The following PAX3 variants were observed in gnomAD, a reference collection of about 807,000 sequenced individuals.
The protein encoded by PAX3 is paired box protein Pax-3.
Under a neutral mutation model 51.6 loss-of-function variants are expected in PAX3, and 14 were observed. The ratio of observed to expected loss-of-function variants is 0.27; its 90% CI spans 0.18 to 0.42. The LOEUF is 0.42. Ranked by LOEUF, PAX3 falls within the 10% of genes least tolerant of loss-of-function variation. PAX3 has a pLI of 1.00. For synonymous variants in PAX3, 280 were observed against 253.4 expected, an observed-to-expected ratio of 1.11 and a Z score of -1.00; for missense variants, 540 against 642.8, an observed-to-expected ratio of 0.84 and a Z score of 1.73.
In PAX3 at chr2:222,298,631, G is replaced by C; in HGVS notation, c.-16C>G. The C allele has an allele frequency of 6.3e-7, 1 of 1,595,836 alleles. No homozygotes were observed. The highest frequency in any genetic ancestry group is 8.5e-7 in the Non-Finnish European group (1 of 1,171,346). On this transcript the variant is annotated 5_prime_UTR_variant, in exon 1 of 9. Coordinates refer to ENST00000392070, the MANE Select transcript of PAX3 (RefSeq NM_181458.4). Reference sequence around the variant, plus strand: ...GCGTGGTCATCCTGGGGGCAGCTTCGCTCGGAAATTATATCCAGGTGAAGG... The same window carrying C: ...GCGTGGTCATCCTGGGGGCAGCTTCCCTCGGAAATTATATCCAGGTGAAGG...
At chr2:222,220,059 T>C (rs1692124020) in intron 7 of PAX3, 81 bp downstream of exon 7, 4 of 1,248,562 alleles carry the variant, frequency 3.2e-6, no homozygotes, top group East Asian at 2.4e-5. Context: ...AATTTGGCAA[T>C]TCATTACACT....
intron 4 of PAX3, among the ~76,000 whole-genome samples, chr2:222,249,303 A>G (rs1693337661): frequency 6.6e-6 from 1 of 152,060 alleles, no homozygotes; most frequent in African/African-American, 2.4e-5. Context: ...TTTTTTCTCA[A>G]ATGTCGTGAT....
chr2:222,221,687 C>A, intron 5 of PAX3: 1 of 380,384 alleles, frequency 2.6e-6, no homozygotes, highest in South Asian at 2.4e-5. Context: ...GAACTCCCCT[C>A]CCTACCCTCA....
At chr2:222,244,387 A>G (rs1693136121) in intron 4 of PAX3, among the ~76,000 whole-genome samples, 1 of 152,120 alleles carries the variant, frequency 6.6e-6, no homozygotes. Flanking sequence ...CTCTGAATCC[A>G]TTTTCTCATC....
intron 4 of PAX3, among the ~76,000 whole-genome samples, chr2:222,260,505 C>A (rs1332705037): frequency 6.7e-6 from 1 of 148,758 alleles, no homozygotes; most frequent in Non-Finnish European, 1.5e-5. Context: ...ATTTCAATAC[C>A]ATAAGGTCAT....
intron 7 of PAX3, among the ~76,000 whole-genome samples, chr2:222,207,013 T>C (rs969130645): frequency 6.6e-6 from 1 of 152,140 alleles, no homozygotes; most frequent in South Asian, 2.1e-4. Flanking sequence ...AAAAAAGAAA[T>C]GTGAATTACA....
At chr2:222,204,111 A>G (rs556119676) in intron 7 of PAX3, among the ~76,000 whole-genome samples, 2 of 152,310 alleles carry the variant, frequency 1.3e-5, no homozygotes, top group East Asian at 3.9e-4. Flanking sequence ...TAAAAAAAAC[A>G]CACAAAACAT....
At chr2:222,262,193 C>G (rs746345870) in intron 4 of PAX3, among the ~76,000 whole-genome samples, 2 of 152,170 alleles carry the variant, frequency 1.3e-5, no homozygotes, top group Non-Finnish European at 2.9e-5. Flanking sequence ...TATTTTATTA[C>G]TGAACAAGAC....
At chr2:222,270,056 C>A (rs1355887382) in intron 4 of PAX3, among the ~76,000 whole-genome samples, 1 of 152,172 alleles carries the variant, frequency 6.6e-6, no homozygotes, top group Non-Finnish European at 1.5e-5. Context: ...TGTCCCCTTG[C>A]AACACTGTAG....
At chr2:222,295,784 C>A (rs1695264450) in intron 2 of PAX3, 127 bp from the exon 3 acceptor site, 6 of 1,074,044 alleles carry the variant, frequency 5.6e-6, no homozygotes, top group African/African-American at 1.5e-5. Flanking sequence ...CCTTTGTGAG[C>A]AAAAAGACCT....
rs1235915390 is a variant in PAX3 at position 222,262,434 on chromosome 2, C to T, written c.587-30151G>A. 3 of 152,034 alleles carry T rather than the reference C, an allele frequency of 2.0e-5. No individual in the cohort carries two copies. In the East Asian group the frequency reaches 5.8e-4, roughly 29 times the overall value. 9.4% of individuals were successfully genotyped at this position (152,034 alleles called of 1,614,324 possible). Reference sequence around the variant, plus strand: ...CTCACCATTTTACTAAAACTGAGCACTTGCATAGAGGAAAAATTTATAATA... The same window carrying T: ...CTCACCATTTTACTAAAACTGAGCATTTGCATAGAGGAAAAATTTATAATA... On this transcript the variant is annotated intron_variant, in intron 4 of 8. Coordinates refer to ENST00000392070, the MANE Select transcript of PAX3 (RefSeq NM_181458.4).
intron 4 of PAX3, among the ~76,000 whole-genome samples, chr2:222,240,799 T>G (rs1338657578): frequency 6.6e-6 from 1 of 152,184 alleles, no homozygotes; most frequent in Non-Finnish European, 1.5e-5. Context: ...AGAATTCCTT[T>G]TACAACACGA....
chr2:222,279,281 G>A (rs1694547179), intron 4 of PAX3, among the ~76,000 whole-genome samples: 1 of 150,140 alleles, frequency 6.7e-6, no homozygotes, highest in Admixed American at 6.7e-5. Flanking sequence ...TGTGAATGAG[G>A]TAGAGCTGAG....
At chr2:222,251,265 C>T (rs1693420902) in intron 4 of PAX3, among the ~76,000 whole-genome samples, 1 of 152,130 alleles carries the variant, frequency 6.6e-6, no homozygotes, top group Non-Finnish European at 1.5e-5. Context: ...TCCCCCAACC[C>T]CACAACAGGC....
chr2:222,264,894 T>C (rs1165998426), intron 4 of PAX3: 1 of 152,296 alleles, frequency 6.6e-6, no homozygotes, highest in African/African-American at 2.4e-5. Context: ...CCTTTGCCCA[T>C]GCTGTTCACT....
intron 4 of PAX3, among the ~76,000 whole-genome samples, chr2:222,257,772 G>T (rs928158224): frequency 6.6e-6 from 1 of 152,360 alleles, no homozygotes; most frequent in Non-Finnish European, 1.5e-5. Flanking sequence ...GGCCTCCTGA[G>T]GCTCAAGGCA....
intron 4 of PAX3, among the ~76,000 whole-genome samples, chr2:222,257,206 A>AT (rs11351476): frequency 0.17 from 25,471 of 149,140 alleles, 2,268 homozygotes; most frequent in Admixed American, 0.18. Flanking sequence ...ATGGCTCAGC[A>AT]TTTTTTTTTT....
intron 5 of PAX3, among the ~76,000 whole-genome samples, chr2:222,223,321 A>G (rs1463060866): frequency 6.6e-6 from 1 of 152,220 alleles, no homozygotes; most frequent in Non-Finnish European, 1.5e-5. Flanking sequence ...AGGTAAGTTA[A>G]TATTTTCCCA....
At chr2:222,295,850 C>T (rs578046595) in intron 2 of PAX3, among the ~76,000 whole-genome samples, 193 bp from the exon 3 acceptor site, 2 of 152,290 alleles carry the variant, frequency 1.3e-5, no homozygotes, top group South Asian at 2.1e-4. Context: ...CATCCCATCC[C>T]GGAGCAGCCT....
Sources: gnomAD v4.1 joint callset for allele counts (sites outside exome capture counted in the v4.1 genomes callset) on GRCh38, gnomAD v4.1.1 for gene constraint, MANE v1.5 for transcripts, NCBI Gene and HGNC (gene_info 2026-07-23, HGNC 2026-07-21) for gene names.